Variants in TRIM37 observed in about 807,000 individuals in gnomAD.
The protein encoded by TRIM37 is tripartite motif containing 37.
In TRIM37, 80 loss-of-function variants were observed where a neutral mutation model predicts 129.8. The ratio of observed to expected loss-of-function variants is 0.62; its 90% CI spans 0.51 to 0.74. The LOEUF (loss-of-function observed/expected upper bound fraction) is 0.74, where lower values mean the gene tolerates loss of function less well. Ranked by LOEUF, TRIM37 falls within the 30% of genes least tolerant of loss-of-function variation. TRIM37 has a pLI of 0.00. For missense variants in TRIM37, 1,054 were observed against 1,176.5 expected (o/e 0.90, Z 1.52); for synonymous variants, 389 against 387.1 (o/e 1.00, Z -0.06).
chr17:58,983,340 C>G (rs1266005228), intron 24 of TRIM37: 1 of 158,128 alleles, frequency 6.3e-6, no homozygotes, highest in Non-Finnish European at 1.4e-5. Context: ...TAAGGTAAAT[C>G]CTTTAAAATT....
rs1391300386 is a variant in TRIM37 at position 59,106,727 on chromosome 17, G to A, written c.-266C>T. On this transcript the variant is annotated 5_prime_UTR_variant, in exon 1 of 24. Transcript: ENST00000262294. ...GCAGCTCCTTTCTCCCGGCTCAGCC[G>A]CCGGCCAGCAGCCGCGCCGGAACCT... 24 of 573,552 alleles carry A rather than the reference G, an allele frequency of 4.2e-5. No individual in the cohort carries two copies. Among genetic ancestry groups the A allele is most frequent in the Non-Finnish European group, 1.5e-5 (5 of 322,722 alleles). The allele number at this position is 573,552 out of a possible 1,614,324, so 35.5% of individuals were successfully genotyped here.
chr17:58,977,716 G>A (rs946460157), downstream of TRIM37, among the ~76,000 whole-genome samples: 4 of 152,132 alleles, frequency 2.6e-5, no homozygotes, highest in African/African-American at 9.7e-5. Context: ...TAGCCTATTT[G>A]AGGATTAAAC....
At chr17:59,068,790 A>T (rs1286306422) in intron 9 of TRIM37, among the ~76,000 whole-genome samples, 2 of 152,190 alleles carry the variant, frequency 1.3e-5, no homozygotes, top group Non-Finnish European at 2.9e-5. Flanking sequence ...TTCTGTTTAT[A>T]GGACTGTGGC....
intron 22 of TRIM37, among the ~76,000 whole-genome samples, chr17:59,007,564 G>A (rs1374918593): frequency 6.6e-6 from 1 of 152,098 alleles, no homozygotes; most frequent in Admixed American, 6.6e-5. Flanking sequence ...ACTTCAGCAA[G>A]AAGTCAGAGA....
At chr17:59,097,080 TA>T (rs1313154354) in intron 2 of TRIM37, among the ~76,000 whole-genome samples, 1 of 152,130 alleles carries the variant, frequency 6.6e-6, no homozygotes, top group Non-Finnish European at 1.5e-5. Flanking sequence ...CCTTTCATGA[TA>T]AAAATACTCA....
the TRIM37 span, among the ~76,000 whole-genome samples, chr17:58,976,205 CA>C: frequency 6.6e-6 from 1 of 152,142 alleles, no homozygotes; most frequent in Non-Finnish European, 1.5e-5. Context: ...CAGAGCAGCA[CA>C]GGCTCACTGT....
At chr17:59,058,856 C>T (rs1003452506) in intron 12 of TRIM37, among the ~76,000 whole-genome samples, 4 of 151,912 alleles carry the variant, frequency 2.6e-5, no homozygotes, top group Admixed American at 1.3e-4. Context: ...ACAGCAAGAC[C>T]CTGTCTCAAA....
At chr17:59,021,478 C>T (rs2036598276) in intron 19 of TRIM37, among the ~76,000 whole-genome samples, 1 of 152,084 alleles carries the variant, frequency 6.6e-6, no homozygotes, top group Admixed American at 6.6e-5. Context: ...TCATTTGCAA[C>T]AACATGGGTG....
At chr17:59,010,893 G>A (rs1365441405) in intron 22 of TRIM37, among the ~76,000 whole-genome samples, 1 of 152,038 alleles carries the variant, frequency 6.6e-6, no homozygotes, top group Non-Finnish European at 1.5e-5. Context: ...TTCCCCGGCC[G>A]GCCTTGGTGG....
intron 12 of TRIM37, chr17:59,059,164 G>A (rs560490728): frequency 1.3e-5 from 2 of 152,298 alleles, no homozygotes; most frequent in Admixed American, 6.5e-5. Flanking sequence ...CTGAGGATAC[G>A]AGTTCAAGAC....
chr17:59,001,794 A>C, intron 22 of TRIM37, 80 bp from the exon 23 acceptor site: 1 of 1,555,868 alleles, frequency 6.4e-7, no homozygotes, highest in Non-Finnish European at 8.7e-7. Context: ...GTATCTGCTA[A>C]ACTGAGATTC....
intron 13 of TRIM37, among the ~76,000 whole-genome samples, chr17:59,054,419 A>G (rs2040634983): frequency 6.6e-6 from 1 of 151,694 alleles, no homozygotes; most frequent in African/African-American, 2.4e-5. Context: ...CAACTGCCTC[A>G]GCTTCCCAAG....
At chr17:59,027,704 C>T (rs1202126894) in intron 19 of TRIM37, among the ~76,000 whole-genome samples, 1 of 152,166 alleles carries the variant, frequency 6.6e-6, no homozygotes, top group Non-Finnish European at 1.5e-5. Flanking sequence ...ATAAACACCC[C>T]TTATTTTTAT....
intron 3 of TRIM37, among the ~76,000 whole-genome samples, chr17:59,090,283 T>C (rs1288377553): frequency 6.6e-6 from 1 of 152,078 alleles, no homozygotes; most frequent in African/African-American, 2.4e-5. Flanking sequence ...TATGTATACA[T>C]ACAATCAAGA....
intron 18 of TRIM37, among the ~76,000 whole-genome samples, chr17:59,029,726 C>A (rs2056007482): frequency 6.6e-6 from 1 of 152,174 alleles, no homozygotes; most frequent in South Asian, 2.1e-4. Flanking sequence ...ATGGTGAAAC[C>A]TGTCTCTACA....
At chr17:59,070,750 C>A (rs75835394) in intron 9 of TRIM37, 73 bp downstream of exon 9, 79 of 1,366,258 alleles carry the variant, frequency 5.8e-5, no homozygotes, top group Admixed American at 2.2e-4. Context: ...AAAAAAAAAA[C>A]ATTCTTTTGA....
intron 11 of TRIM37, 62 bp downstream of exon 11, chr17:59,062,505 A>T: frequency 7.6e-7 from 1 of 1,316,336 alleles, no homozygotes; most frequent in Non-Finnish European, 1.1e-6. Flanking sequence ...AAATTAGTAT[A>T]CTACAGAACT....
chr17:58,984,601 G>GA (rs1342136904), intron 24 of TRIM37: 2 of 152,442 alleles, frequency 1.3e-5, no homozygotes, highest in African/African-American at 4.8e-5. Context: ...TTTCACCTTT[G>GA]AAAATCACGT....
chr17:59,042,781 CAGGAAAGGAA>C (rs1296574924), intron 16 of TRIM37, among the ~76,000 whole-genome samples: 2 of 148,328 alleles, frequency 1.3e-5, no homozygotes, highest in African/African-American at 5.0e-5. Flanking sequence ...CAGGACAGGA[CAGGAAAGGAA>C]AGGAAAGGAA....
Sources: gnomAD v4.1 joint callset for allele counts (sites outside exome capture counted in the v4.1 genomes callset) on GRCh38, gnomAD v4.1.1 for gene constraint, MANE v1.5 for transcripts, NCBI Gene and HGNC (gene_info 2026-07-23, HGNC 2026-07-21) for gene names.